RETREG1: variants seen among roughly 807,000 people sequenced by gnomAD.
The protein encoded by RETREG1 is family with sequence similarity 134 member B.
In RETREG1, 44 loss-of-function variants were observed where a neutral mutation model predicts 54.8. The ratio of observed to expected loss-of-function variants is 0.80; its 90% CI spans 0.63 to 1.03. RETREG1 has a LOEUF of 1.03. RETREG1 is among the 50% of genes least tolerant of loss of function. RETREG1 has a pLI of 0.00. For missense variants in RETREG1, 554 were observed against 605.1 expected (o/e 0.92, Z 0.89); for synonymous variants, 217 against 238.5 (o/e 0.91, Z 0.83).
chr5:16,607,215 A>G (rs1375660985), intron 1 of RETREG1, among the ~76,000 whole-genome samples: 1 of 151,254 alleles, frequency 6.6e-6, no homozygotes, highest in African/African-American at 2.4e-5. Context: ...TGTTTATTGT[A>G]TTTTTTTTTA....
In RETREG1 at chr5:16,538,703, C is replaced by CTTT. The variant is rs879370720; in HGVS notation, c.458+27057_458+27059dup. 2.4e-3 allele frequency among the ~76,000 whole-genome samples: 339 copies of CTTT among 143,374 alleles called. 2 individuals are homozygous for CTTT. The highest frequency in any genetic ancestry group is 8.3e-3 in the African/African-American group (327 of 39,260). The allele number at this position is 143,374 out of a possible 152,430, so 94.1% of individuals were successfully genotyped here. A position where few individuals can be genotyped will look rare whatever the true frequency, so the allele number is the denominator to read the frequency against. Reference sequence around the variant, plus strand: ...AGAAGAACAAATACATTCTTTCATTCTTTTTTTTTTTTTTTAATTGAGACG... The same window carrying CTTT: ...AGAAGAACAAATACATTCTTTCATTCTTTTTTTTTTTTTTTTTTAATTGAGACG... On this transcript the variant is annotated intron_variant, in intron 3 of 8. Coordinates refer to ENST00000306320, the MANE Select transcript of RETREG1 (RefSeq NM_001034850.3).
intron 3 of RETREG1, among the ~76,000 whole-genome samples, chr5:16,492,585 G>T (rs1739293780): frequency 6.6e-6 from 1 of 152,110 alleles, no homozygotes; most frequent in South Asian, 2.1e-4. Flanking sequence ...TTCTCAGCTA[G>T]TGACTAAGGG....
intron 2 of RETREG1, among the ~76,000 whole-genome samples, chr5:16,571,404 A>C (rs893738632): frequency 1.3e-5 from 2 of 152,204 alleles, no homozygotes; most frequent in Non-Finnish European, 2.9e-5. Context: ...GTTTACAAAA[A>C]CTAGCTCGAA....
intron 1 of RETREG1, among the ~76,000 whole-genome samples, chr5:16,587,140 A>G (rs1183160782): frequency 1.3e-5 from 2 of 152,208 alleles, no homozygotes; most frequent in Non-Finnish European, 2.9e-5. Context: ...GGTGCTGAAA[A>G]GGCTTCTGAG....
At chr5:16,494,253 T>C (rs2126538511) in intron 3 of RETREG1, among the ~76,000 whole-genome samples, 1 of 152,288 alleles carries the variant, frequency 6.6e-6, no homozygotes, top group East Asian at 1.9e-4. Context: ...AATTAATAAA[T>C]ATAATATTCA....
chr5:16,588,497 C>A (rs936823913), intron 1 of RETREG1, among the ~76,000 whole-genome samples: 2 of 152,182 alleles, frequency 1.3e-5, no homozygotes, highest in African/African-American at 4.8e-5. Context: ...CCCATAACAC[C>A]AAGTGTGTGG....
intron 3 of RETREG1, among the ~76,000 whole-genome samples, chr5:16,565,116 C>T (rs950532096): frequency 3.3e-5 from 5 of 152,194 alleles, no homozygotes; most frequent in African/African-American, 1.2e-4. Flanking sequence ...CTCTCATACA[C>T]CCAGTTGGTA....
intron 2 of RETREG1, among the ~76,000 whole-genome samples, chr5:16,568,816 T>C (rs1216184640): frequency 6.6e-6 from 1 of 152,010 alleles, no homozygotes; most frequent in African/African-American, 2.4e-5. Flanking sequence ...CACTTAAAAA[T>C]TTTCTAAGAG....
chr5:16,498,897 T>C (rs980047814), intron 3 of RETREG1, among the ~76,000 whole-genome samples: 3 of 152,216 alleles, frequency 2.0e-5, no homozygotes, highest in African/African-American at 7.2e-5. Flanking sequence ...TTTAAATTTT[T>C]CTTTAATAAT....
intron 1 of RETREG1, among the ~76,000 whole-genome samples, chr5:16,605,235 C>G (rs559978539): frequency 6.6e-6 from 1 of 152,342 alleles, no homozygotes; most frequent in South Asian, 2.1e-4. Flanking sequence ...TTACCATCCT[C>G]CTTCAGAGAG....
At chr5:16,573,752 T>TGG (rs1742254595) in intron 1 of RETREG1, among the ~76,000 whole-genome samples, 2 of 147,832 alleles carry the variant, frequency 1.4e-5, no homozygotes, top group African/African-American at 4.9e-5. Context: ...GTTTTTTTTT[T>TGG]TTTTTTTTTG....
chr5:16,611,315 A>T (rs977090229), intron 1 of RETREG1, among the ~76,000 whole-genome samples: 6 of 152,164 alleles, frequency 3.9e-5, no homozygotes, highest in Admixed American at 2.6e-4. Context: ...ATGATGAGTT[A>T]ATGGGTGCAG....
chr5:16,528,051 C>T (rs1008049552), intron 3 of RETREG1, among the ~76,000 whole-genome samples: 1 of 151,846 alleles, frequency 6.6e-6, no homozygotes, highest in Admixed American at 6.6e-5. Flanking sequence ...CCTCGTGATC[C>T]GCCTGCCTCG....
At chr5:16,479,865 T>G (rs905970777) in intron 5 of RETREG1, among the ~76,000 whole-genome samples, 1 of 151,976 alleles carries the variant, frequency 6.6e-6, no homozygotes, top group African/African-American at 2.4e-5. Flanking sequence ...AATTGGAAAA[T>G]ATGGGGGTAT....
In RETREG1 at chr5:16,576,594, C is replaced by T. The variant is rs375262098; in HGVS notation, c.321-4492G>A. On this transcript the variant is annotated intron_variant, in intron 1 of 8. Transcript: ENST00000306320. ...TCCGCCTCCCAGGTTCAAGCAATTC[C>T]CCTGCCTCAGCCTCCCGAGTAGCTG... Among the ~76,000 whole-genome samples the T allele has an allele frequency of 6.0e-4, 92 of 152,100 alleles. 1 individual carries two copies. The highest frequency in any genetic ancestry group is 2.0e-3 in the African/African-American group (85 of 41,518).
At chr5:16,491,425 C>T (rs1739242175) in intron 3 of RETREG1, among the ~76,000 whole-genome samples, 1 of 152,184 alleles carries the variant, frequency 6.6e-6, no homozygotes, top group Non-Finnish European at 1.5e-5. Context: ...CAGAGCTTGA[C>T]ATCTATGAGG....
intron 1 of RETREG1, among the ~76,000 whole-genome samples, chr5:16,589,644 GTGTGAGCCAC>G (rs1324926164): frequency 2.6e-5 from 4 of 152,200 alleles, no homozygotes; most frequent in Non-Finnish European, 4.4e-5. Flanking sequence ...GGGATTACAG[GTGTGAGCCAC>G]TGCACCCAGG....
At position 16,569,938 on chromosome 5, in the gene RETREG1, G is replaced by T. The variant is rs149333320; in HGVS notation, c.427+2058C>A. On this transcript the variant is annotated intron_variant, in intron 2 of 8. Coordinates refer to ENST00000306320, the MANE Select transcript of RETREG1 (RefSeq NM_001034850.3). ...TGCGGCTGCAAGCCATGGAATGCCC[G>T]CAACTCCCAGGAGCTGCAAGAGGCA... Among the ~76,000 whole-genome samples the T allele has an allele frequency of 2.2e-3, 331 of 152,350 alleles. 1 individual carries two copies. The highest frequency in any genetic ancestry group is 6.9e-3 in the African/African-American group (289 of 41,588).
At chr5:16,555,598 G>A (rs1741684105) in intron 3 of RETREG1, among the ~76,000 whole-genome samples, 1 of 152,144 alleles carries the variant, frequency 6.6e-6, no homozygotes, top group African/African-American at 2.4e-5. Context: ...ACTAAAAATT[G>A]GAAAGTGAGT....
Sources: allele counts gnomAD v4.1 joint callset (sites outside exome capture counted in the v4.1 genomes callset), GRCh38; gene constraint gnomAD v4.1.1; transcripts MANE v1.5; gene names NCBI Gene and HGNC (gene_info 2026-07-23, HGNC 2026-07-21).